Variants in PIK3R6 observed in about 807,000 individuals in gnomAD.
The protein encoded by PIK3R6 is phosphoinositide-3-kinase regulatory subunit 6.
Under a neutral mutation model 84.9 loss-of-function variants are expected in PIK3R6, and 91 were observed. The ratio of observed to expected loss-of-function variants is 1.07; its 90% confidence interval spans 0.90 to 1.28. PIK3R6 has a LOEUF of 1.28. Ranked by LOEUF, PIK3R6 falls within the 50% of genes most tolerant of loss-of-function variation. The pLI, the probability that PIK3R6 is intolerant of heterozygous loss-of-function variation, is 0.00. For missense variants in PIK3R6, 996 were observed against 985.1 expected (o/e 1.01, Z -0.15); for synonymous variants, 416 against 411.4 (o/e 1.01, Z -0.13).
At chr17:8,815,442 G>A (rs2087500782) in intron 18 of PIK3R6, among the ~76,000 whole-genome samples, 1 of 149,726 alleles carries the variant, frequency 6.7e-6, no homozygotes, top group African/African-American at 2.5e-5. Flanking sequence ...AGAGGCAGAG[G>A]TTGCAGTGAG....
chr17:8,822,482 G>A (rs1464200258), intron 16 of PIK3R6, 105 bp downstream of exon 16: 3 of 1,316,296 alleles, frequency 2.3e-6, no homozygotes, highest in Non-Finnish European at 3.2e-6. Flanking sequence ...AAGAAAAGGG[G>A]CAGAAGCTTC....
chr17:8,823,431 G>C lies in PIK3R6; in HGVS notation c.1582C>G (p.Arg528Gly), dbSNP rs764585463. The C allele has an allele frequency of 6.2e-7, 1 of 1,611,946 alleles. No individual in the cohort carries two copies. Among genetic ancestry groups the C allele is most frequent in the Non-Finnish European group, 8.5e-7 (1 of 1,178,634 alleles). ...FILDVITYYI[R>G]MGTQPIYFQI... is the part of the protein sequence containing the mutation. ...AAATAGATGGGTTGGGTGCCCATGC[G>C]GATGTAGTAGGTGATGACGTCTAGG... is the stretch of plus-strand genomic sequence containing the variant. Residue 528 changes from arginine (R) to glycine (G), a missense_variant, in exon 14 of 20, where the codon CGC becomes GGC. Transcript: ENST00000619866.
intron 1 of PIK3R6, among the ~76,000 whole-genome samples, chr17:8,866,754 C>T (rs558874181): frequency 3.2e-4 from 49 of 152,202 alleles, no homozygotes; most frequent in Middle Eastern, 3.4e-3. Context: ...TCCCTGAGCC[C>T]GCACCCTGCA....
intron 18 of PIK3R6, among the ~76,000 whole-genome samples, chr17:8,817,025 A>G (rs2151194968): frequency 6.6e-6 from 1 of 152,384 alleles, no homozygotes; most frequent in South Asian, 2.1e-4. Flanking sequence ...ATTTATTTAC[A>G]TAATTATACA....
chr17:8,829,522 ACAC>A (rs2088132753), intron 10 of PIK3R6, among the ~76,000 whole-genome samples, 181 bp downstream of exon 10: 1 of 143,116 alleles, frequency 7.0e-6, no homozygotes, highest in African/African-American at 2.5e-5. Flanking sequence ...ATGCATACAC[ACAC>A]ACTGACACAC....
intron 17 of PIK3R6, among the ~76,000 whole-genome samples, chr17:8,819,937 A>ATAT (rs1368510193): frequency 0.021 from 1,852 of 86,206 alleles, 49 homozygotes; most frequent in African/African-American, 0.079. Context: ...ATATATATAT[A>ATAT]TTTTTATATA....
At chr17:8,825,654 A>G (rs574326651) in intron 13 of PIK3R6, among the ~76,000 whole-genome samples, 1 of 152,370 alleles carries the variant, frequency 6.6e-6, no homozygotes, top group South Asian at 2.1e-4. Flanking sequence ...ACATTTGGAA[A>G]AAATAAAATG....
At chr17:8,840,232 C>T (rs1489223301) in intron 2 of PIK3R6, among the ~76,000 whole-genome samples, 1 of 143,804 alleles carries the variant, frequency 7.0e-6, no homozygotes, top group Admixed American at 7.1e-5. Context: ...TATATACAGC[C>T]TACAAATATA....
At chr17:8,850,434 C>T (rs1472415949) in intron 1 of PIK3R6, among the ~76,000 whole-genome samples, 1 of 152,160 alleles carries the variant, frequency 6.6e-6, no homozygotes, top group Non-Finnish European at 1.5e-5. Flanking sequence ...CAGGTTCTAT[C>T]TCTCCCCCCT....
At chr17:8,821,801 C>T in intron 17 of PIK3R6, 45 bp downstream of exon 17, 1 of 1,533,558 alleles carries the variant, frequency 6.5e-7, no homozygotes, top group South Asian at 1.2e-5. Flanking sequence ...CATTGCCCTT[C>T]TCATCTCTTC....
At chr17:8,818,200 C>T (rs923858509) in intron 18 of PIK3R6, among the ~76,000 whole-genome samples, 1 of 152,162 alleles carries the variant, frequency 6.6e-6, no homozygotes, top group African/African-American at 2.4e-5. Flanking sequence ...TGACCTAAAT[C>T]GGTGCGTAAG....
chr17:8,843,982 G>A (rs971114565), intron 2 of PIK3R6, among the ~76,000 whole-genome samples: 2 of 152,190 alleles, frequency 1.3e-5, no homozygotes, highest in African/African-American at 4.8e-5. Context: ...GAGGAGAGTG[G>A]CCCAGCCCAA....
intron 1 of PIK3R6, among the ~76,000 whole-genome samples, chr17:8,850,367 C>T (rs2088922127): frequency 6.6e-6 from 1 of 151,774 alleles, no homozygotes; most frequent in Admixed American, 6.6e-5. Flanking sequence ...CCAGGCATCA[C>T]TCTTCTAAGC....
intron 13 of PIK3R6, among the ~76,000 whole-genome samples, chr17:8,824,920 G>A (rs943963717): frequency 6.6e-6 from 1 of 152,162 alleles, no homozygotes; most frequent in African/African-American, 2.4e-5. Flanking sequence ...AAAATGGAGA[G>A]CTCAGTACAG....
intron 18 of PIK3R6, among the ~76,000 whole-genome samples, chr17:8,812,171 A>G (rs1293295195): frequency 6.6e-6 from 1 of 152,218 alleles, no homozygotes; most frequent in African/African-American, 2.4e-5. Flanking sequence ...CACTATCACA[A>G]GAACAGCACA....
chr17:8,829,489 TACACACACACTG>T (rs947941876), intron 10 of PIK3R6, among the ~76,000 whole-genome samples: 7 of 102,928 alleles, frequency 6.8e-5, no homozygotes, highest in African/African-American at 2.6e-4. Flanking sequence ...CATGCACGCA[TACACACACACTG>T]ACACACACTC....
chr17:8,859,956 G>T (rs763582406), intron 1 of PIK3R6, among the ~76,000 whole-genome samples: 3 of 152,124 alleles, frequency 2.0e-5, no homozygotes, highest in Non-Finnish European at 2.9e-5. Flanking sequence ...CCTATTTGTT[G>T]TGTTCCTCTG....
Position 8,810,266 on chromosome 17 carries a change from C to CTA in PIK3R6, c.1996-6115_1996-6114dup, listed in dbSNP as rs202012965. Among the ~76,000 whole-genome samples, 772 of 147,924 alleles carry CTA rather than the reference C, an allele frequency of 5.2e-3. 29 individuals are homozygous for CTA. The highest frequency in any genetic ancestry group is 9.1e-3 in the Non-Finnish European group (619 of 67,880). On this transcript the variant is annotated intron_variant, in intron 18 of 19. Coordinates refer to ENST00000619866, the MANE Select transcript of PIK3R6 (RefSeq NM_001010855.4). ...CATCAGATGTCATGAGACTTACCCA[C>CTA]TATCACGAGAACAGCATGGGAAAGA...
Position 8,829,007 on chromosome 17 carries a change from A to T in PIK3R6, c.890-17T>A. 1.3e-6 allele frequency: 2 copies of T among 1,492,830 alleles called. No individual in the cohort carries two copies. Among genetic ancestry groups the T allele is most frequent in the Non-Finnish European group, 1.8e-6 (2 of 1,121,958 alleles). 92.5% of individuals were successfully genotyped at this position (1,492,830 alleles called of 1,614,324 possible). ...GTTCCTTCCCTGGGGTGGGGGAACA[A>T]GGGCGGTGAGGACACGTGAGGCTGG... On this transcript the variant is annotated splice_polypyrimidine_tract_variant and intron_variant, in intron 10 of 19. Coordinates refer to ENST00000619866, the MANE Select transcript of PIK3R6 (RefSeq NM_001010855.4).
Sources: allele counts gnomAD v4.1 joint callset (sites outside exome capture counted in the v4.1 genomes callset), GRCh38; gene constraint gnomAD v4.1.1; transcripts MANE v1.5; gene names NCBI Gene and HGNC (gene_info 2026-07-23, HGNC 2026-07-21).